PCDH15: variants seen among roughly 807,000 people sequenced by gnomAD.
The protein encoded by PCDH15 is protocadherin-15.
Under a neutral mutation model 178.5 loss-of-function variants are expected in PCDH15, and 129 were observed. The ratio of observed to expected loss-of-function variants is 0.72; its 90% CI spans 0.63 to 0.84. The LOEUF is 0.84. Among genes scored for constraint, PCDH15 ranks in the 40% least tolerant of loss-of-function variants. The pLI is 0.00. For synonymous variants in PCDH15, 800 were observed against 732.0 expected (o/e 1.09, Z -1.50); for missense variants, 2,230 against 2,099.9 (o/e 1.06, Z -1.21).
intron 2 of PCDH15, among the ~76,000 whole-genome samples, chr10:55,123,784 A>G (rs1837831203): frequency 6.6e-6 from 1 of 152,172 alleles, no homozygotes. Flanking sequence ...TTGAGGAGGA[A>G]TGGTTACCCA....
At chr10:54,499,794 G>T (rs1350737654) in intron 3 of PCDH15, among the ~76,000 whole-genome samples, 1 of 152,042 alleles carries the variant, frequency 6.6e-6, no homozygotes, top group Non-Finnish European at 1.5e-5. Context: ...CAACCTGAAA[G>T]CTAGCAGAAG....
intron 26 of PCDH15, among the ~76,000 whole-genome samples, chr10:53,881,195 G>C (rs754149008): frequency 2.6e-5 from 4 of 152,174 alleles, no homozygotes; most frequent in Non-Finnish European, 5.9e-5. Flanking sequence ...TAAAATTTCA[G>C]GATTTGTTAG....
chr10:55,273,991 C>CATGT (rs1305805423), intron 1 of PCDH15, among the ~76,000 whole-genome samples: 1 of 152,180 alleles, frequency 6.6e-6, no homozygotes, highest in Admixed American at 6.5e-5. Context: ...TGTATGTACA[C>CATGT]ATGTATGTAT....
In PCDH15 at chr10:53,860,393, G is replaced by A. The variant is rs1172769934; in HGVS notation, c.3718-3130C>T. ...GGAATGAATGTTCTTAAATTTGAAG[G>A]ATAGTCACTGCTTTCTCTTCATCAG... On this transcript the variant is annotated intron_variant, in intron 27 of 37. Transcript: ENST00000644397. Among the ~76,000 whole-genome samples the A allele has an allele frequency of 3.3e-5, 5 of 152,086 alleles. 1 individual carries two copies. In the East Asian group the frequency reaches 9.7e-4, roughly 30 times the overall value.
At chr10:55,285,991 C>T (rs1412349557) in intron 1 of PCDH15, among the ~76,000 whole-genome samples, 2 of 151,780 alleles carry the variant, frequency 1.3e-5, no homozygotes, top group Admixed American at 6.6e-5. Context: ...TTTTGATTTT[C>T]GTGCATTATT....
intron 2 of PCDH15, among the ~76,000 whole-genome samples, chr10:55,115,731 T>A (rs537001697): frequency 4.6e-5 from 7 of 152,332 alleles, no homozygotes; most frequent in African/African-American, 1.7e-4. Flanking sequence ...ATCTGCCATG[T>A]CACTATAACA....
intron 2 of PCDH15, among the ~76,000 whole-genome samples, chr10:54,642,579 A>C (rs1590774794): frequency 6.6e-6 from 1 of 152,306 alleles, no homozygotes; most frequent in East Asian, 1.9e-4. Context: ...AAAGCAATGA[A>C]TATATCAGCA....
intron 11 of PCDH15, among the ~76,000 whole-genome samples, chr10:54,185,839 A>G (rs2048429721): frequency 6.6e-6 from 1 of 152,044 alleles, no homozygotes; most frequent in South Asian, 2.1e-4. Context: ...CCAAATGGAA[A>G]CATGTTTACT....
chr10:54,303,603 T>TATTAAAATTAAA (rs2133313135), intron 8 of PCDH15, among the ~76,000 whole-genome samples: 1 of 152,264 alleles, frequency 6.6e-6, no homozygotes, highest in East Asian at 1.9e-4. Flanking sequence ...CAAGAGAATG[T>TATTAAAATTAAA]AATTTTTAAG....
chr10:54,801,901 G>A (rs1033960900), upstream of PCDH15, among the ~76,000 whole-genome samples: 2 of 152,104 alleles, frequency 1.3e-5, no homozygotes, highest in African/African-American at 4.8e-5. Flanking sequence ...CAGATGGACA[G>A]GTAAACTAGT....
chr10:55,191,109 A>G (rs1225381783), intron 1 of PCDH15, among the ~76,000 whole-genome samples: 2 of 151,764 alleles, frequency 1.3e-5, no homozygotes, highest in Non-Finnish European at 2.9e-5. Flanking sequence ...TAACAAAAAT[A>G]TGGATTTTTT....
rs146076629 is a variant in PCDH15 at position 55,332,460 on chromosome 10, A to G, written c.-155-165809T>C. 2.2e-4 allele frequency among the ~76,000 whole-genome samples: 34 copies of G among 152,310 alleles called. No individual in the cohort carries two copies. In the East Asian group the frequency reaches 6.6e-3, roughly 29 times the overall value. On this transcript the variant is annotated intron_variant, in intron 2 of 5. Transcript: ENST00000613346. ...AAATAAATAGAACTAGATCAAATCC[A>G]TAACTTCCAATTGACACTAAAAATA...
In PCDH15 at chr10:55,009,382, G is replaced by C. The variant is rs1840001467; in HGVS notation, c.-79-111882C>G. Among the ~76,000 whole-genome samples the C allele has an allele frequency of 3.3e-5, 5 of 152,016 alleles. No homozygotes were observed. The South Asian group carries it at 1.0e-3, about 32-fold the overall frequency. On this transcript the variant is annotated intron_variant, in intron 2 of 5. Transcript: ENST00000458638. ...AAGGATAACAGCATTAACAAGACTA[G>C]ATACTTTTTCTGCTTTTACTACCCT...
At chr10:54,316,251 C>T (rs919296071) in intron 8 of PCDH15, among the ~76,000 whole-genome samples, 2 of 151,928 alleles carry the variant, frequency 1.3e-5, no homozygotes, top group Non-Finnish European at 2.9e-5. Flanking sequence ...GTGAGAAAAA[C>T]CAATAGATGT....
intron 1 of PCDH15, among the ~76,000 whole-genome samples, chr10:55,308,060 A>G (rs973375256): frequency 8.5e-5 from 13 of 152,158 alleles, no homozygotes; most frequent in African/African-American, 2.9e-4. Flanking sequence ...TACTTTAAAA[A>G]GTTTATTTTA....
chr10:55,400,402 G>A (rs1160798051), intron 2 of PCDH15, among the ~76,000 whole-genome samples: 1 of 152,088 alleles, frequency 6.6e-6, no homozygotes, highest in Non-Finnish European at 1.5e-5. Context: ...TCATGTGATT[G>A]TTTATCACAC....
upstream of PCDH15, among the ~76,000 whole-genome samples, chr10:54,804,133 G>A (rs1952735396): frequency 6.6e-6 from 1 of 151,974 alleles, no homozygotes; most frequent in Non-Finnish European, 1.5e-5. Context: ...TCCGCCTCCT[G>A]GGTTCACGCC....
intron 1 of PCDH15, among the ~76,000 whole-genome samples, chr10:54,781,108 C>A (rs914479789): frequency 3.4e-4 from 51 of 151,974 alleles, no homozygotes; most frequent in African/African-American, 1.2e-3. Context: ...CATTTTGGAC[C>A]TAGCCCAAGT....
intron 2 of PCDH15, among the ~76,000 whole-genome samples, chr10:54,935,161 C>T (rs1837874324): frequency 6.6e-6 from 1 of 151,878 alleles, no homozygotes; most frequent in Non-Finnish European, 1.5e-5. Flanking sequence ...AGCACACCAA[C>T]ATGGCACATG....
Sources: allele counts gnomAD v4.1 joint callset (sites outside exome capture counted in the v4.1 genomes callset), GRCh38; gene constraint gnomAD v4.1.1; transcripts MANE v1.5; gene names NCBI Gene and HGNC (gene_info 2026-07-23, HGNC 2026-07-21).